Variants in DLG2 observed in about 807,000 individuals in gnomAD.
The protein encoded by DLG2 is discs large MAGUK scaffold protein 2.
DLG2 carries 45 observed loss-of-function variants against 132.5 expected under a neutral mutation model. The ratio of observed to expected loss-of-function variants is 0.34; its 90% CI spans 0.27 to 0.44. The LOEUF is 0.44. Ranked by LOEUF, DLG2 falls within the 20% of genes least tolerant of loss-of-function variation. The probability of loss-of-function intolerance (pLI) is 1.00; values close to 1 mark genes in which losing one functional copy is unlikely to be tolerated. For missense variants in DLG2, 1,045 were observed against 1,196.9 expected (o/e 0.87, Z 1.87); for synonymous variants, 424 against 419.6 (o/e 1.01, Z -0.13).
intron 6 of DLG2, among the ~76,000 whole-genome samples, chr11:84,994,133 T>C (rs1453904430): frequency 6.6e-6 from 1 of 152,228 alleles, no homozygotes; most frequent in East Asian, 1.9e-4. Context: ...TGGCTCTTTC[T>C]GTCAACATTT....
chr11:84,927,119 A>C (rs959720044), intron 6 of DLG2, among the ~76,000 whole-genome samples: 20 of 152,042 alleles, frequency 1.3e-4, no homozygotes, highest in Non-Finnish European at 2.1e-4. Flanking sequence ...TACTTTAAAA[A>C]ACATAACCTG....
intron 15 of DLG2, among the ~76,000 whole-genome samples, chr11:83,891,889 T>G (rs1201585794): frequency 6.6e-6 from 1 of 152,204 alleles, no homozygotes; most frequent in Non-Finnish European, 1.5e-5. Flanking sequence ...TGTATTAGCC[T>G]CATGGAAAAG....
chr11:83,539,437 G>A (rs964427823), intron 20 of DLG2, among the ~76,000 whole-genome samples: 10 of 152,146 alleles, frequency 6.6e-5, no homozygotes, highest in South Asian at 4.2e-4. Context: ...ATAAATGTAC[G>A]TTTTTAAATT....
At chr11:84,633,095 T>C (rs1208792959) in intron 6 of DLG2, among the ~76,000 whole-genome samples, 1 of 152,238 alleles carries the variant, frequency 6.6e-6, no homozygotes, top group East Asian at 1.9e-4. Flanking sequence ...GATCCATGTA[T>C]ATTAATGTAG....
intron 3 of DLG2, among the ~76,000 whole-genome samples, chr11:85,594,970 G>A (rs768550593): frequency 1.3e-5 from 2 of 150,906 alleles, no homozygotes; most frequent in Non-Finnish European, 2.9e-5. Flanking sequence ...GGAGGCTGAG[G>A]CAGGAGAATC....
rs72951842 is a variant in DLG2, at chr11:84,106,933, A to T, written c.625-7886T>A. ...TGTGTGAGAGAAGTGTGTGTGTGTG[A>T]GTGTGTGTGTGAGAGAGAGAAAGAG... On this transcript the variant is annotated intron_variant, in intron 9 of 27. Transcript: ENST00000376104. Among the ~76,000 whole-genome samples the T allele has an allele frequency of 6.9e-5, 9 of 130,416 alleles. No homozygotes were observed. The South Asian group carries it at 9.9e-4, about 14-fold the overall frequency. 85.6% of individuals were successfully genotyped at this position (130,416 alleles called of 152,430 possible).
At chr11:85,128,054 T>A (rs993893866) in intron 5 of DLG2, among the ~76,000 whole-genome samples, 2 of 152,162 alleles carry the variant, frequency 1.3e-5, no homozygotes, top group African/African-American at 4.8e-5. Context: ...ATTAACTACA[T>A]CAAGAAAAGC....
At chr11:84,142,730 A>G (rs1409930815) in intron 9 of DLG2, among the ~76,000 whole-genome samples, 2 of 152,060 alleles carry the variant, frequency 1.3e-5, no homozygotes, top group Admixed American at 6.6e-5. Flanking sequence ...CTACCTTGGA[A>G]CATCAGAGCT....
intron 21 of DLG2, among the ~76,000 whole-genome samples, chr11:83,506,921 T>G (rs1014037206): frequency 6.6e-5 from 10 of 152,148 alleles, no homozygotes; most frequent in African/African-American, 2.2e-4. Context: ...CACAATTTCA[T>G]CTTTCACATA....
chr11:85,093,813 C>T (rs546380785), intron 6 of DLG2, among the ~76,000 whole-genome samples: 1 of 152,278 alleles, frequency 6.6e-6, no homozygotes, highest in Non-Finnish European at 1.5e-5. Context: ...TGGGTGGGGA[C>T]ACAGCCAAAC....
chr11:83,765,065 T>C (rs1033831102), intron 18 of DLG2, among the ~76,000 whole-genome samples: 1 of 152,248 alleles, frequency 6.6e-6, no homozygotes, highest in Admixed American at 6.5e-5. Context: ...AAATGACATC[T>C]CCCCTGTACC....
chr11:83,778,533 T>G (rs955385676), intron 18 of DLG2, among the ~76,000 whole-genome samples: 5 of 152,150 alleles, frequency 3.3e-5, no homozygotes, highest in African/African-American at 1.2e-4. Flanking sequence ...TGTTCGGAAC[T>G]GTAATCATAC....
chr11:84,129,103 G>A (rs896815403), intron 9 of DLG2, among the ~76,000 whole-genome samples: 7 of 152,080 alleles, frequency 4.6e-5, no homozygotes, highest in African/African-American at 1.4e-4. Context: ...TTCTTTTACA[G>A]TTTTTTTCAG....
intron 3 of DLG2, among the ~76,000 whole-genome samples, chr11:85,451,591 A>G (rs1405507780): frequency 1.3e-5 from 2 of 152,204 alleles, no homozygotes; most frequent in Non-Finnish European, 2.9e-5. Context: ...TCAGACTCAA[A>G]TTTTGACATT....
intron 7 of DLG2, among the ~76,000 whole-genome samples, chr11:84,486,485 GT>G (rs2154494720): frequency 6.6e-6 from 1 of 152,180 alleles, no homozygotes; most frequent in Admixed American, 6.5e-5. Flanking sequence ...AGTAGTACAA[GT>G]TTAAGTCCCA....
intron 3 of DLG2, among the ~76,000 whole-genome samples, chr11:85,402,027 T>C (rs1458774707): frequency 6.6e-6 from 1 of 151,870 alleles, no homozygotes; most frequent in Non-Finnish European, 1.5e-5. Flanking sequence ...AGAGCCCACA[T>C]AGCTAAGACA....
intron 6 of DLG2, among the ~76,000 whole-genome samples, chr11:84,581,981 T>G (rs1168998710): frequency 6.6e-6 from 1 of 151,210 alleles, no homozygotes; most frequent in Admixed American, 6.6e-5. Context: ...AACATTGATT[T>G]AGTGTTCATA....
At chr11:85,616,941 A>G (rs947861) in intron 2 of DLG2, among the ~76,000 whole-genome samples, 17,937 of 152,184 alleles carry the variant, frequency 0.12, 1,319 homozygotes, top group East Asian at 0.28. Flanking sequence ...AACAACTCAT[A>G]TGTCAGAAGT....
intron 6 of DLG2, among the ~76,000 whole-genome samples, chr11:84,858,209 CT>C (rs372732135): frequency 3.2e-4 from 49 of 151,132 alleles, no homozygotes; most frequent in African/African-American, 1.1e-3. Context: ...AAAATGTTTT[CT>C]TTTTTTTTAT....
Sources: gnomAD v4.1 joint callset for allele counts (sites outside exome capture counted in the v4.1 genomes callset) on GRCh38, gnomAD v4.1.1 for gene constraint, MANE v1.5 for transcripts, NCBI Gene and HGNC (gene_info 2026-07-23, HGNC 2026-07-21) for gene names.